SLC29A3: variants seen among roughly 807,000 people sequenced by gnomAD.
SLC29A3 encodes the protein equilibrative nucleoside transporter 3.
In SLC29A3, 18 loss-of-function variants were observed where a neutral mutation model predicts 25.4. The observed-to-expected ratio is 0.71, with a 90% CI of 0.49 to 1.05. The LOEUF (loss-of-function observed/expected upper bound fraction) is 1.05. Among genes scored for constraint, SLC29A3 ranks in the 50% least tolerant of loss-of-function variants. The probability of loss-of-function intolerance (pLI) is 0.00; values close to 1 mark genes in which losing one functional copy is unlikely to be tolerated. For synonymous variants in SLC29A3, 258 were observed against 267.1 expected, an observed-to-expected ratio of 0.97 and a Z score of 0.33; for missense variants, 586 against 609.0, an observed-to-expected ratio of 0.96 and a Z score of 0.40.
chr10:71,360,913 C>T (rs1847038045), intron 5 of SLC29A3, among the ~76,000 whole-genome samples: 1 of 152,128 alleles, frequency 6.6e-6, no homozygotes, highest in South Asian at 2.1e-4. Flanking sequence ...GTTCTTTATG[C>T]AATTTTATGT....
chr10:71,356,638 G>T (rs1042835245), intron 5 of SLC29A3, among the ~76,000 whole-genome samples: 1 of 151,930 alleles, frequency 6.6e-6, no homozygotes, highest in Non-Finnish European at 1.5e-5. Flanking sequence ...CCCATTCTGG[G>T]CAACACAGTG....
intron 4 of SLC29A3, among the ~76,000 whole-genome samples, chr10:71,378,430 T>C (rs941055555): frequency 1.6e-4 from 24 of 152,202 alleles, no homozygotes; most frequent in African/African-American, 5.8e-4. Flanking sequence ...CTGAGTCAAC[T>C]TGAGTGCCAG....
At position 71,356,175 on chromosome 10, in the gene SLC29A3, G is replaced by C; in HGVS notation, c.705G>C (p.Leu235=). Residue 235 remains leucine (L), a synonymous_variant, in exon 5 of 6, where the codon CTG becomes CTC. Coordinates refer to ENST00000373189, the MANE Select transcript of SLC29A3 (RefSeq NM_018344.6). ...GGAACAGCGCCCTGGCCTTCTTCCT[G>C]ACGGCCACTGTCTTCCTCGTGCTCT... The part of the protein sequence containing the change: ...DVRNSALAFF[L]TATVFLVLCM... The C allele has an allele frequency of 6.2e-7, 1 of 1,614,142 alleles. No individual in the cohort carries two copies. The highest frequency in any genetic ancestry group is 1.3e-5 in the African/African-American group (1 of 75,044).
At chr10:71,334,420 C>T (rs986507700) in intron 2 of SLC29A3, among the ~76,000 whole-genome samples, 1 of 152,226 alleles carries the variant, frequency 6.6e-6, no homozygotes, top group Non-Finnish European at 1.5e-5. Context: ...AGCTCTTTCC[C>T]AGTTCTGTGA....
rs184454533 is a variant in SLC29A3, at chr10:71,348,236, G to A, written c.384-3326G>A. Among the ~76,000 whole-genome samples, 292 of 152,328 alleles carry A rather than the reference G, an allele frequency of 1.9e-3. 3 individuals are homozygous for A. In the South Asian group the frequency reaches 0.021, roughly 11 times the overall value. ...CAAGGCAGGGCTCTGCCTTTGCAGC[G>A]CGCCTCATCTTTCCAGCCTGGCCTT... On this transcript the variant is annotated intron_variant, in intron 3 of 5. Coordinates refer to ENST00000373189, the MANE Select transcript of SLC29A3 (RefSeq NM_018344.6).
At chr10:71,350,490 G>T (rs1458221029) in intron 3 of SLC29A3, among the ~76,000 whole-genome samples, 1 of 152,124 alleles carries the variant, frequency 6.6e-6, no homozygotes, top group Non-Finnish European at 1.5e-5. Context: ...CTAATCTGAT[G>T]ATTTAAGCAG....
Position 71,344,147 on chromosome 10 carries a change from C to T in SLC29A3, c.301-62C>T, listed in dbSNP as rs41281300. The T allele has an allele frequency of 5.0e-4, 663 of 1,317,044 alleles. 4 individuals are homozygous for T. Among genetic ancestry groups the T allele is most frequent in the Non-Finnish European group, 6.1e-5 (56 of 911,054 alleles). 81.6% of individuals were successfully genotyped at this position (1,317,044 alleles called of 1,614,324 possible). A position where few individuals can be genotyped will look rare whatever the true frequency, so the allele number is the denominator to read the frequency against. On this transcript the variant is annotated intron_variant, in intron 2 of 5. Coordinates refer to ENST00000373189, the MANE Select transcript of SLC29A3 (RefSeq NM_018344.6). ...CAGAGAGGGGCCCTGTCTCTGCTCG[C>T]GTGGAACTGCTCACCTCCATCCCTG... is the stretch of plus-strand genomic sequence containing the variant.
At position 71,346,055 on chromosome 10, in the gene SLC29A3, A is replaced by C. The variant is rs932371601; in HGVS notation, c.383+1764A>C. 3.3e-5 allele frequency among the ~76,000 whole-genome samples: 5 copies of C among 152,310 alleles called. No homozygotes were observed. The South Asian group carries it at 1.0e-3, about 32-fold the overall frequency. ...TGTCATGTCCCTTAGGCTGCACTGC[A>C]ACCCAGGAGGGAGGCTGTGACATTG... is the stretch of plus-strand genomic sequence containing the variant. On this transcript the variant is annotated intron_variant, in intron 3 of 5. Transcript: ENST00000373189.
At chr10:71,337,876 G>C (rs1846295240) in intron 2 of SLC29A3, among the ~76,000 whole-genome samples, 2 of 152,242 alleles carry the variant, frequency 1.3e-5, no homozygotes, top group African/African-American at 4.8e-5. Context: ...CCTCACATCT[G>C]GCCAGCTGGC....
chr10:71,328,529 G>A (rs1438051714), intron 2 of SLC29A3, among the ~76,000 whole-genome samples: 1 of 152,148 alleles, frequency 6.6e-6, no homozygotes, highest in Non-Finnish European at 1.5e-5. Flanking sequence ...CATGACAGAT[G>A]AGGAGGCCTC....
Position 71,362,400 on chromosome 10 carries a change from T to TCC in SLC29A3, c.1220_1221insCC (p.Val408ArgfsTer46). ...CAGCCCCGCGTCCACCTGAAGACTGTGGTCTTCCAGTCCGATGTGTACCCC... is the reference window on the plus strand; with the variant it reads ...CAGCCCCGCGTCCACCTGAAGACTGTCCGGTCTTCCAGTCCGATGTGTACCCC... On this transcript the variant is annotated frameshift_variant, in exon 6 of 6. Transcript: ENST00000373189. LOFTEE classifies it high-confidence loss of function. The TCC allele has an allele frequency of 6.2e-7, 1 of 1,614,198 alleles. No individual in the cohort carries two copies. Among genetic ancestry groups the TCC allele is most frequent in the Non-Finnish European group, 8.5e-7 (1 of 1,180,038 alleles).
rs564476475 is a variant in SLC29A3 at position 71,362,170 on chromosome 10, C to T, written c.990C>T (p.Ile330=). 68 of 1,614,116 alleles carry T rather than the reference C, an allele frequency of 4.2e-5. No individual in the cohort carries two copies. The South Asian group carries it at 5.4e-4, about 13-fold the overall frequency. ...SLIYPAICTN[I]ESLNKGSGSL... ...TCTACCCCGCCATCTGCACCAACAT[C>T]GAGTCCCTCAACAAGGGTTCGGGCT... The change falls in exon 6 of 6, where the codon ATC becomes ATT. Residue 330 remains isoleucine (I), a synonymous_variant. Transcript: ENST00000373189.
intron 2 of SLC29A3, among the ~76,000 whole-genome samples, chr10:71,330,055 G>A (rs540675021): frequency 2.0e-5 from 3 of 152,308 alleles, no homozygotes; most frequent in African/African-American, 4.8e-5. Context: ...CTTGTCTAAC[G>A]GAAATGCTCT....
At chr10:71,329,765 C>A (rs983544686) in intron 2 of SLC29A3, among the ~76,000 whole-genome samples, 11 of 152,144 alleles carry the variant, frequency 7.2e-5, no homozygotes, top group African/African-American at 2.7e-4. Context: ...AAAATGTTAC[C>A]ACATAGGGAG....
At chr10:71,335,785 T>C (rs1314624772) in intron 2 of SLC29A3, among the ~76,000 whole-genome samples, 1 of 152,062 alleles carries the variant, frequency 6.6e-6, no homozygotes, top group Non-Finnish European at 1.5e-5. Context: ...CCCAAGCGGT[T>C]GTTCTGGATG....
chr10:71,369,440 A>G (rs1847194573), intron 3 of SLC29A3, among the ~76,000 whole-genome samples: 1 of 149,934 alleles, frequency 6.7e-6, no homozygotes, highest in Non-Finnish European at 1.5e-5. Flanking sequence ...TCCTAATAAC[A>G]TGTGAGAAAA....
intron 2 of SLC29A3, among the ~76,000 whole-genome samples, chr10:71,334,972 G>A (rs201931281): frequency 1.7e-4 from 6 of 34,412 alleles, no homozygotes; most frequent in African/African-American, 7.4e-4. Context: ...TTTTTTTTTT[G>A]TGCCTCCCTC....
Position 71,374,594 on chromosome 10 carries a change from A to G in SLC29A3, c.*95-1101A>G, listed in dbSNP as rs141549463. ...TGGGCAGAGAACTACAAGAAGAGTAATGTTGCCTGCCCCTGTCCCCATCTC... is the reference window on the plus strand; with the variant it reads ...TGGGCAGAGAACTACAAGAAGAGTAGTGTTGCCTGCCCCTGTCCCCATCTC... On this transcript the variant is annotated intron_variant and NMD_transcript_variant, in intron 3 of 4. Coordinates refer to the SLC29A3 transcript ENST00000642772. Among the ~76,000 whole-genome samples, 795 of 152,184 alleles carry G rather than the reference A, an allele frequency of 5.2e-3. 18 individuals are homozygous for G. The highest frequency in any genetic ancestry group is 0.016 in the East Asian group (85 of 5,160).
In SLC29A3 at chr10:71,379,496, C is replaced by A. The variant is rs1589249384; in HGVS notation, c.*212-270C>A. On this transcript the variant is annotated intron_variant and NMD_transcript_variant, in intron 4 of 4. Coordinates refer to the SLC29A3 transcript ENST00000642772. ...ATATGAAAGAAGTAGCGTTGAGTAACCTGATGCTAATGAATCAGTTGTTTT... is the reference window on the plus strand; with the variant it reads ...ATATGAAAGAAGTAGCGTTGAGTAAACTGATGCTAATGAATCAGTTGTTTT... Among the ~76,000 whole-genome samples the A allele has an allele frequency of 3.9e-5, 6 of 152,290 alleles. No individual in the cohort carries two copies. The South Asian group carries it at 1.0e-3, about 26-fold the overall frequency.
Sources: allele counts gnomAD v4.1 joint callset (sites outside exome capture counted in the v4.1 genomes callset), GRCh38; gene constraint gnomAD v4.1.1; transcripts MANE v1.5; gene names NCBI Gene and HGNC (gene_info 2026-07-23, HGNC 2026-07-21).